NRXN3: variants seen among roughly 807,000 people sequenced by gnomAD.
NRXN3 encodes the protein neurexin 3.
Under a neutral mutation model 137.6 loss-of-function variants are expected in NRXN3, and 32 were observed. The ratio of observed to expected loss-of-function variants is 0.23; its 90% CI spans 0.18 to 0.31. The LOEUF is 0.31. NRXN3 is among the 10% of genes least tolerant of loss of function. NRXN3 has a pLI of 1.00. For missense variants in NRXN3, 1,574 were observed against 2,062.5 expected, an observed-to-expected ratio of 0.76 and a Z score of 4.59; for synonymous variants, 798 against 784.5, an observed-to-expected ratio of 1.02 and a Z score of -0.29.
At chr14:78,995,036 C>G (rs1013716044) in intron 15 of NRXN3, among the ~76,000 whole-genome samples, 2 of 152,124 alleles carry the variant, frequency 1.3e-5, no homozygotes, top group Non-Finnish European at 2.9e-5. Flanking sequence ...CATTCTTATT[C>G]GATTTGCTGC....
chr14:79,814,019 C>A (rs1452701678), intron 20 of NRXN3, among the ~76,000 whole-genome samples: 1 of 152,206 alleles, frequency 6.6e-6, no homozygotes, highest in Non-Finnish European at 1.5e-5. Context: ...ATCAACTAAC[C>A]ATGGCCTCCA....
chr14:79,450,846 A>G (rs1471310713), intron 15 of NRXN3, among the ~76,000 whole-genome samples: 2 of 152,002 alleles, frequency 1.3e-5, no homozygotes, highest in African/African-American at 4.8e-5. Context: ...AGCCTGGGCA[A>G]CAGAGTGAGA....
chr14:79,680,156 C>T (rs1027491319), intron 17 of NRXN3, among the ~76,000 whole-genome samples: 9 of 152,054 alleles, frequency 5.9e-5, no homozygotes, highest in South Asian at 2.1e-4. Context: ...TTTGCTAATC[C>T]ATAAACTTTA....
At chr14:78,282,299 G>T in intron 3 of NRXN3, 1 of 395,174 alleles carries the variant, frequency 2.5e-6, no homozygotes, top group Admixed American at 2.7e-5. Flanking sequence ...TTGGAGGTGA[G>T]GAAGAGGGAA....
chr14:78,818,695 T>G (rs958132456), intron 10 of NRXN3, among the ~76,000 whole-genome samples: 1 of 152,176 alleles, frequency 6.6e-6, no homozygotes, highest in African/African-American at 2.4e-5. Context: ...CTCATTCACT[T>G]ATTCCATGGA....
chr14:78,930,872 T>C (rs75726643), intron 10 of NRXN3, among the ~76,000 whole-genome samples: 9,027 of 152,238 alleles, frequency 0.059, 411 homozygotes, highest in Admixed American at 0.083. Flanking sequence ...CTGTATATAG[T>C]CACAGAGCTC....
At chr14:78,949,582 A>G (rs2099382863) in intron 10 of NRXN3, among the ~76,000 whole-genome samples, 1 of 147,428 alleles carries the variant, frequency 6.8e-6, no homozygotes, top group South Asian at 2.1e-4. Flanking sequence ...CTCAAAGGGC[A>G]TAGAAGTGAA....
At chr14:78,600,561 C>T (rs1032204165) in intron 4 of NRXN3, among the ~76,000 whole-genome samples, 3 of 152,168 alleles carry the variant, frequency 2.0e-5, no homozygotes, top group Non-Finnish European at 4.4e-5. Flanking sequence ...TGATTTGCTT[C>T]CTTTTGTTGC....
chr14:78,735,316 T>C (rs935561513), intron 8 of NRXN3, among the ~76,000 whole-genome samples: 1 of 152,022 alleles, frequency 6.6e-6, no homozygotes, highest in East Asian at 1.9e-4. Flanking sequence ...GAAACAAAAA[T>C]GTTTTTCTTT....
At chr14:79,472,867 CCT>C (rs1480236018) in intron 16 of NRXN3, among the ~76,000 whole-genome samples, 1 of 152,144 alleles carries the variant, frequency 6.6e-6, no homozygotes, top group African/African-American at 2.4e-5. Context: ...CTCTTGTCAA[CCT>C]CTTTCACCAT....
intron 10 of NRXN3, among the ~76,000 whole-genome samples, chr14:78,870,741 T>C (rs572661554): frequency 6.6e-6 from 1 of 151,890 alleles, no homozygotes; most frequent in East Asian, 1.9e-4. Flanking sequence ...TCTCCATGAG[T>C]TCAATATTAT....
rs879504020 is a variant in NRXN3, at chr14:79,334,767, CG to C, written c.3263-132452del. Reference sequence around the variant, plus strand: ...GCGTGCTACATTATTATGATGTCCTCGGCCTTCTTAAGTGTTTGCTTCATAA... The same window carrying C: ...GCGTGCTACATTATTATGATGTCCTCGCCTTCTTAAGTGTTTGCTTCATAA... On this transcript the variant is annotated intron_variant, in intron 15 of 20. Coordinates refer to ENST00000335750, the MANE Select transcript of NRXN3 (RefSeq NM_001330195.2). 3.0e-4 allele frequency among the ~76,000 whole-genome samples: 46 copies of C among 152,146 alleles called. No homozygotes were observed. In the East Asian group the frequency reaches 8.7e-3, roughly 29 times the overall value.
intron 16 of NRXN3, among the ~76,000 whole-genome samples, chr14:79,626,812 A>C (rs531781296): frequency 1.3e-5 from 2 of 152,308 alleles, no homozygotes; most frequent in South Asian, 4.1e-4. Flanking sequence ...ATTATCCAAT[A>C]CAGTATTATT....
chr14:79,388,568 G>A (rs2094724975), intron 15 of NRXN3, among the ~76,000 whole-genome samples: 1 of 151,848 alleles, frequency 6.6e-6, no homozygotes, highest in South Asian at 2.1e-4. Context: ...GGTGCTTTGT[G>A]GCACATAATG....
At chr14:79,674,824 A>G (rs573547001) in intron 17 of NRXN3, among the ~76,000 whole-genome samples, 1 of 152,212 alleles carries the variant, frequency 6.6e-6, no homozygotes, top group African/African-American at 2.4e-5. Context: ...CATTTTAATC[A>G]CATTAGAGAA....
chr14:78,224,059 C>T (rs7154491), intron 1 of NRXN3, among the ~76,000 whole-genome samples: 15 of 152,020 alleles, frequency 9.9e-5, no homozygotes, highest in South Asian at 2.1e-4. Context: ...CTTTCAAAAC[C>T]GGGTCCCACA....
chr14:78,696,708 G>T (rs1157249653), intron 6 of NRXN3, among the ~76,000 whole-genome samples: 3 of 152,018 alleles, frequency 2.0e-5, no homozygotes, highest in African/African-American at 4.8e-5. Flanking sequence ...TCCTGTCCAG[G>T]TGAATTATTA....
At chr14:78,897,175 A>G (rs1173638885) in intron 10 of NRXN3, among the ~76,000 whole-genome samples, 1 of 151,914 alleles carries the variant, frequency 6.6e-6, no homozygotes, top group Non-Finnish European at 1.5e-5. Flanking sequence ...TCACTTTAAT[A>G]AAGTGTTTCA....
At position 79,260,479 on chromosome 14, in the gene NRXN3, T is replaced by C. The variant is rs1340536981; in HGVS notation, c.3263-206742T>C. ...GAGAGGCTTGTGTTGGGGAGTACTT[T>C]TGACAGATCCCTCACCCCCATCCGC... On this transcript the variant is annotated intron_variant, in intron 15 of 20. Transcript: ENST00000335750. 2.0e-5 allele frequency among the ~76,000 whole-genome samples: 3 copies of C among 152,148 alleles called. No homozygotes were observed. In the East Asian group the frequency reaches 5.8e-4, roughly 29 times the overall value.
Sources: allele counts gnomAD v4.1 joint callset (sites outside exome capture counted in the v4.1 genomes callset), GRCh38; gene constraint gnomAD v4.1.1; transcripts MANE v1.5; gene names NCBI Gene and HGNC (gene_info 2026-07-23, HGNC 2026-07-21).